LGR6: variants seen among roughly 807,000 people sequenced by gnomAD.
LGR6 encodes the protein leucine-rich repeat-containing G protein-coupled receptor 6.
A neutral mutation model predicts 69.4 loss-of-function variants in LGR6; 45 were observed. The ratio of observed to expected loss-of-function variants is 0.65; its 90% CI spans 0.51 to 0.83. The LOEUF (loss-of-function observed/expected upper bound fraction) is 0.83, where lower values mean the gene tolerates loss of function less well. Among genes scored for constraint, LGR6 ranks in the 40% least tolerant of loss-of-function variants. The pLI is 0.00. For missense variants in LGR6, 1,108 were observed against 1,246.7 expected, an observed-to-expected ratio of 0.89 and a Z score of 1.68; for synonymous variants, 538 against 555.0, an observed-to-expected ratio of 0.97 and a Z score of 0.43.
rs1261530914 is a variant in LGR6, at chr1:202,319,389, G to T, written c.*182G>T. On this transcript the variant is annotated 3_prime_UTR_variant, in exon 18 of 18. Transcript: ENST00000367278. ...GACCATCACCAACGGGTGCCTCTTG[G>T]CCTGGCTTTCCCTTGGCCTTCCTCA... is the stretch of plus-strand genomic sequence containing the variant. 5.1e-6 allele frequency: 3 copies of T among 592,080 alleles called. No homozygotes were observed. The East Asian group carries it at 9.4e-5, about 19-fold the overall frequency. 36.7% of individuals were successfully genotyped at this position (592,080 alleles called of 1,614,324 possible).
rs1277364661 is a variant in LGR6 at position 202,295,712 on chromosome 1, G to A, written c.717-1796G>A. Among the ~76,000 whole-genome samples the A allele has an allele frequency of 4.6e-5, 7 of 152,208 alleles. 1 individual carries two copies. On this transcript the variant is annotated intron_variant, in intron 6 of 17. Coordinates refer to ENST00000367278, the MANE Select transcript of LGR6 (RefSeq NM_001017403.2). ...CCTGACCACATCCTTCACACAGCCTGTGGGAGCCTCTCTGTGAGCAAATCA... is the reference window on the plus strand; with the variant it reads ...CCTGACCACATCCTTCACACAGCCTATGGGAGCCTCTCTGTGAGCAAATCA...
At chr1:202,243,246 G>A (rs933344533) in intron 4 of LGR6, among the ~76,000 whole-genome samples, 11 of 152,284 alleles carry the variant, frequency 7.2e-5, no homozygotes, top group South Asian at 2.1e-4. Flanking sequence ...CAGCTGGGGC[G>A]TGCCTGGGGC....
intron 1 of LGR6, among the ~76,000 whole-genome samples, chr1:202,202,971 C>T (rs1658891742): frequency 6.6e-6 from 1 of 152,134 alleles, no homozygotes; most frequent in Non-Finnish European, 1.5e-5. Context: ...ATGTGGTCCC[C>T]AGGCCCAAAG....
intron 1 of LGR6, among the ~76,000 whole-genome samples, chr1:202,219,598 A>G (rs1347880782): frequency 6.6e-6 from 1 of 152,150 alleles, no homozygotes; most frequent in Non-Finnish European, 1.5e-5. Context: ...AGACATTGAC[A>G]CTAGGCAGTA....
intron 11 of LGR6, among the ~76,000 whole-genome samples, chr1:202,305,361 C>T (rs1404941967): frequency 1.3e-5 from 2 of 152,190 alleles, no homozygotes. Flanking sequence ...TCAGTGAGGT[C>T]CAATGTGTTC....
At position 202,214,988 on chromosome 1, in the gene LGR6, T is replaced by TGG. The variant is rs200103538; in HGVS notation, c.213-10433_213-10432dup. ...GGGGTAAATGGTGTTTGGGTGCACC[T>TGG]GGGTGTGTGTGTGTGTGTGTGTGTG... On this transcript the variant is annotated intron_variant, in intron 1 of 17. Transcript: ENST00000367278. Among the ~76,000 whole-genome samples, 1,172 of 125,374 alleles carry TGG rather than the reference T, an allele frequency of 9.3e-3. 14 individuals carry two copies. The highest frequency in any genetic ancestry group is 0.032 in the African/African-American group (1,123 of 34,948). The allele number at this position is 125,374 out of a possible 152,430, so 82.3% of individuals were successfully genotyped here. A position where few individuals can be genotyped will look rare whatever the true frequency, so the allele number is the denominator to read the frequency against.
intron 9 of LGR6, among the ~76,000 whole-genome samples, 170 bp downstream of exon 9, chr1:202,301,405 T>C (rs530137879): frequency 6.6e-6 from 1 of 152,312 alleles, no homozygotes; most frequent in East Asian, 1.9e-4. Context: ...CGTTCCCACC[T>C]CTTTCTAAAT....
Position 202,319,121 on chromosome 1 carries a change from G to A in LGR6, c.2818G>A (p.Ala940Thr), listed in dbSNP as rs775648528. 16 of 1,614,124 alleles carry A rather than the reference G, an allele frequency of 9.9e-6. No homozygotes were observed. In the African/African-American group the frequency reaches 1.1e-4, roughly 11 times the overall value. ...CATGGATGGAGAACTGCTGCTGAGGGCAGAGGGATCTACGCCAGCAGGTGG... is the reference window on the plus strand; with the variant it reads ...CATGGATGGAGAACTGCTGCTGAGGACAGAGGGATCTACGCCAGCAGGTGG... Reference protein sequence around the residue: ...PSMDGELLLRAEGSTPAGGGL... With the variant: ...PSMDGELLLRTEGSTPAGGGL... The change falls in exon 18 of 18, where the codon GCA (alanine) becomes ACA (threonine). Residue 940 changes from alanine to threonine, a missense_variant. Transcript: ENST00000367278.
Position 202,319,351 on chromosome 1 carries a change from A to C in LGR6, c.*144A>C. Reference sequence around the variant, plus strand: ...GGCCCAGTCCCTGGCTCCACTGATCACCTCTCTCCTGTGACCATCACCAAC... The same window carrying C: ...GGCCCAGTCCCTGGCTCCACTGATCCCCTCTCTCCTGTGACCATCACCAAC... On this transcript the variant is annotated 3_prime_UTR_variant, in exon 18 of 18. Coordinates refer to ENST00000367278, the MANE Select transcript of LGR6 (RefSeq NM_001017403.2). The C allele has an allele frequency of 1.1e-6, 1 of 880,562 alleles. No homozygotes were observed. The highest frequency in any genetic ancestry group is 1.7e-6 in the Non-Finnish European group (1 of 604,050). The allele number at this position is 880,562 out of a possible 1,614,324, so 54.5% of individuals were successfully genotyped here.
At chr1:202,262,099 T>G (rs1343302189) in intron 4 of LGR6, among the ~76,000 whole-genome samples, 1 of 152,176 alleles carries the variant, frequency 6.6e-6, no homozygotes, top group African/African-American at 2.4e-5. Context: ...TTAGATCCCG[T>G]TTGTCAATTT....
chr1:202,205,351 AAC>A (rs1310168806), intron 1 of LGR6, among the ~76,000 whole-genome samples: 1 of 834 alleles, frequency 1.2e-3, no homozygotes, highest in Non-Finnish European at 3.0e-3. Flanking sequence ...ACCTCCTTCA[AAC>A]ACACACACAC....
intron 6 of LGR6, among the ~76,000 whole-genome samples, chr1:202,293,738 G>A (rs924545037): frequency 6.6e-6 from 1 of 152,182 alleles, no homozygotes; most frequent in Non-Finnish European, 1.5e-5. Flanking sequence ...GTCCAAATGG[G>A]AAAACTCCGG....
chr1:202,312,115 C>T (rs1653790378), intron 16 of LGR6, among the ~76,000 whole-genome samples: 1 of 152,252 alleles, frequency 6.6e-6, no homozygotes, highest in African/African-American at 2.4e-5. Context: ...GCGTCAAGAT[C>T]GTGGGCTGCC....
chr1:202,276,257 G>T, intron 4 of LGR6, 49 bp from the exon 5 acceptor site: 1 of 1,509,920 alleles, frequency 6.6e-7, no homozygotes, highest in South Asian at 1.2e-5. Context: ...CCAAAGCTTG[G>T]TCTGCATCTT....
intron 3 of LGR6, among the ~76,000 whole-genome samples, chr1:202,235,068 T>C (rs2147993651): frequency 6.6e-6 from 1 of 152,210 alleles, no homozygotes; most frequent in East Asian, 1.9e-4. Context: ...CTCAGGGGAC[T>C]CCCTGCGCTT....
intron 1 of LGR6, among the ~76,000 whole-genome samples, chr1:202,201,572 C>T (rs935218320): frequency 6.6e-6 from 1 of 152,202 alleles, no homozygotes; most frequent in Non-Finnish European, 1.5e-5. Context: ...CCCAGGCAGC[C>T]TCCCTCCTAC....
At chr1:202,227,859 C>T in intron 2 of LGR6, 77 bp from the exon 3 acceptor site, 3 of 999,294 alleles carry the variant, frequency 3.0e-6, no homozygotes, top group Non-Finnish European at 4.8e-6. Context: ...TCCCGTATCT[C>T]AAGACACTTT....
At chr1:202,206,238 G>C (rs977724472) in intron 1 of LGR6, among the ~76,000 whole-genome samples, 1 of 152,230 alleles carries the variant, frequency 6.6e-6, no homozygotes. Flanking sequence ...GGGAGGAGAC[G>C]AGAAAGGAAG....
intron 4 of LGR6, among the ~76,000 whole-genome samples, chr1:202,272,322 C>T (rs537655630): frequency 3.3e-5 from 5 of 152,184 alleles, no homozygotes; most frequent in East Asian, 3.8e-4. Flanking sequence ...TGAGTGTAAA[C>T]GCCCCGTCTC....
Sources: gnomAD v4.1 joint callset for allele counts (sites outside exome capture counted in the v4.1 genomes callset) on GRCh38, gnomAD v4.1.1 for gene constraint, MANE v1.5 for transcripts, NCBI Gene and HGNC (gene_info 2026-07-23, HGNC 2026-07-21) for gene names.